The following CELF1 variants were observed in gnomAD, a reference collection of about 807,000 sequenced individuals.
CELF1 encodes the protein CUGBP Elav-like family member 1.
CELF1 carries 10 observed loss-of-function variants against 61.8 expected under a neutral mutation model. The observed-to-expected ratio is 0.16, with a 90% CI of 0.10 to 0.27. CELF1 has a LOEUF of 0.27. Ranked by LOEUF, CELF1 falls within the 10% of genes least tolerant of loss-of-function variation. The pLI, the probability that CELF1 is intolerant of heterozygous loss-of-function variation, is 1.00. For missense variants in CELF1, 380 were observed against 639.1 expected, an observed-to-expected ratio of 0.59 and a Z score of 4.37; for synonymous variants, 236 against 225.1, an observed-to-expected ratio of 1.05 and a Z score of -0.43.
chr11:47,513,464 CTT>C (rs35845903), intron 1 of CELF1: 4 of 94,926 alleles, frequency 4.2e-5, no homozygotes, highest in Non-Finnish European at 8.4e-5. Context: ...AGCACCCCCT[CTT>C]TTTTTTTTTT....
At chr11:47,539,532 C>T (rs539347522) in intron 1 of CELF1, among the ~76,000 whole-genome samples, 1 of 152,298 alleles carries the variant, frequency 6.6e-6, no homozygotes, top group South Asian at 2.1e-4. Flanking sequence ...GTGGCACACA[C>T]CTGTAATCCC....
chr11:47,559,004 CATAATATATGTTATAT>C (rs1258673144), intron 2 of CELF1, among the ~76,000 whole-genome samples: 1 of 137,288 alleles, frequency 7.3e-6, no homozygotes, highest in Non-Finnish European at 1.5e-5. Flanking sequence ...ATATGTTATA[CATAATATATGTTATAT>C]ATAATATATA....
At chr11:47,507,751 G>C (rs1347719042) in intron 1 of CELF1, among the ~76,000 whole-genome samples, 5 of 152,110 alleles carry the variant, frequency 3.3e-5, no homozygotes. Context: ...TAACTAGTAA[G>C]ACACTGCCTA....
At chr11:47,484,607 T>C in intron 6 of CELF1, 84 bp from the exon 7 acceptor site, 1 of 1,178,746 alleles carries the variant, frequency 8.5e-7, no homozygotes, top group South Asian at 1.4e-5. Flanking sequence ...ACCGCCTGGG[T>C]TTGAATCCTG....
In CELF1 at chr11:47,499,619, A is replaced by C; in HGVS notation, c.-81-15T>G. On this transcript the variant is annotated splice_polypyrimidine_tract_variant and intron_variant, in intron 2 of 14. Transcript: ENST00000687097. ...GCTTTAGCTTCCTGGGCCCCACAAAAAACACAAAGTGGAAACAGGAGCTCA... is the reference window on the plus strand; with the variant it reads ...GCTTTAGCTTCCTGGGCCCCACAAACAACACAAAGTGGAAACAGGAGCTCA... 1 of 978,350 alleles carries C rather than the reference A, an allele frequency of 1.0e-6. No homozygotes were observed. The highest frequency in any genetic ancestry group is 1.5e-6 in the Non-Finnish European group (1 of 652,598). The allele number at this position is 978,350 out of a possible 1,614,324, so 60.6% of individuals were successfully genotyped here.
intron 1 of CELF1, among the ~76,000 whole-genome samples, chr11:47,529,506 G>A (rs975277579): frequency 4.6e-5 from 7 of 152,038 alleles, no homozygotes; most frequent in African/African-American, 1.7e-4. Context: ...GGCCAACATG[G>A]CAAACCCTGT....
intron 9 of CELF1, chr11:47,482,311 C>A (rs2083794443): frequency 1.3e-5 from 2 of 157,548 alleles, no homozygotes; most frequent in African/African-American, 4.8e-5. Flanking sequence ...AGGAAAGACT[C>A]AATAAGGATT....
At chr11:47,480,034 C>T (rs1033904914) in intron 9 of CELF1, among the ~76,000 whole-genome samples, 10 of 151,910 alleles carry the variant, frequency 6.6e-5, no homozygotes, top group African/African-American at 2.2e-4. Flanking sequence ...CCAGAAAGAA[C>T]CTCATAATTA....
chr11:47,516,640 G>A (rs896231649), intron 1 of CELF1, among the ~76,000 whole-genome samples: 1 of 149,754 alleles, frequency 6.7e-6, no homozygotes, highest in African/African-American at 2.5e-5. Flanking sequence ...TCGCTCTGTC[G>A]CCTAGGCTGG....
At chr11:47,475,976 A>G (rs976602722) in intron 12 of CELF1, among the ~76,000 whole-genome samples, 1 of 152,112 alleles carries the variant, frequency 6.6e-6, no homozygotes, top group Non-Finnish European at 1.5e-5. Context: ...CAATGTGCTC[A>G]GCAGCACTTT....
chr11:47,533,400 T>C (rs866316639), intron 1 of CELF1, among the ~76,000 whole-genome samples: 17 of 152,058 alleles, frequency 1.1e-4, no homozygotes, highest in African/African-American at 2.2e-4. Context: ...GGCAGGCAGA[T>C]TGCCTGAGCT....
chr11:47,563,527 A>C (rs910415559), intron 2 of CELF1, among the ~76,000 whole-genome samples: 3 of 152,062 alleles, frequency 2.0e-5, no homozygotes, highest in Admixed American at 2.0e-4. Context: ...CTCTATTAAA[A>C]ACACACACAA....
chr11:47,558,583 A>ATATTTATATATAATATATAAATATG (rs2097214159), intron 2 of CELF1, among the ~76,000 whole-genome samples: 1 of 110,932 alleles, frequency 9.0e-6, no homozygotes, highest in African/African-American at 3.8e-5. Context: ...AAATATATAT[A>ATATTTATATATAATATATAAATATG]TATATTTATA....
At chr11:47,564,626 C>T (rs930363687) in intron 1 of CELF1, among the ~76,000 whole-genome samples, 2 of 150,524 alleles carry the variant, frequency 1.3e-5, no homozygotes, top group Non-Finnish European at 3.0e-5. Context: ...AACCTCGTCT[C>T]TACTAAAAAC....
intron 1 of CELF1, chr11:47,523,646 A>ATTT (rs2096072075): frequency 6.6e-6 from 1 of 152,368 alleles, no homozygotes; most frequent in Admixed American, 6.5e-5. Context: ...TTTCTCCAGC[A>ATTT]TTTAATAACG....
At chr11:47,559,066 AATAAT>A (rs1227042305) in intron 2 of CELF1, among the ~76,000 whole-genome samples, 3 of 143,580 alleles carry the variant, frequency 2.1e-5, no homozygotes, top group East Asian at 1.9e-4. Context: ...TGTTATATAT[AATAAT>A]ATAATATATA....
chr11:47,552,946 C>G, intron 1 of CELF1, 46 bp downstream of exon 1: 1 of 397,012 alleles, frequency 2.5e-6, no homozygotes, highest in Non-Finnish European at 4.4e-6. Context: ...CCTTTTTTCC[C>G]CTCCCTCCCT....
At chr11:47,479,946 C>T (rs1474132479) in intron 9 of CELF1, among the ~76,000 whole-genome samples, 1 of 152,076 alleles carries the variant, frequency 6.6e-6, no homozygotes, top group Non-Finnish European at 1.5e-5. Flanking sequence ...ACCCTTTCCC[C>T]CCGCTTCTCA....
intron 1 of CELF1, among the ~76,000 whole-genome samples, chr11:47,517,518 A>G (rs1442124160): frequency 2.0e-5 from 3 of 152,208 alleles, no homozygotes; most frequent in Non-Finnish European, 2.9e-5. Flanking sequence ...TATTCATATA[A>G]TAAGAAAGGA....
Sources: allele counts gnomAD v4.1 joint callset (sites outside exome capture counted in the v4.1 genomes callset), GRCh38; gene constraint gnomAD v4.1.1; transcripts MANE v1.5; gene names NCBI Gene and HGNC (gene_info 2026-07-23, HGNC 2026-07-21).